The following FRMD3 variants were observed in gnomAD, a reference collection of about 807,000 sequenced individuals.
FRMD3 encodes the protein FERM domain-containing protein 3.
FRMD3 carries 33 observed loss-of-function variants against 70.2 expected under a neutral mutation model. The ratio of observed to expected loss-of-function variants is 0.47; its 90% CI spans 0.36 to 0.63. The LOEUF is 0.63. Among genes scored for constraint, FRMD3 ranks in the 20% least tolerant of loss-of-function variants. The probability of loss-of-function intolerance (pLI) is 0.00; values close to 1 mark genes in which losing one functional copy is unlikely to be tolerated. For synonymous variants in FRMD3, 279 were observed against 255.9 expected (o/e 1.09, Z -0.86); for missense variants, 632 against 711.4 (o/e 0.89, Z 1.27).
At chr9:83,532,934 C>T (rs1829819166) in intron 1 of FRMD3, among the ~76,000 whole-genome samples, 1 of 152,186 alleles carries the variant, frequency 6.6e-6, no homozygotes, top group Non-Finnish European at 1.5e-5. Flanking sequence ...ACTATAGAGA[C>T]ATAGTTAATG....
chr9:83,322,126 G>A (rs1835825060), intron 6 of FRMD3, among the ~76,000 whole-genome samples: 1 of 152,078 alleles, frequency 6.6e-6, no homozygotes, highest in African/African-American at 2.4e-5. Flanking sequence ...TTCCCAGGCA[G>A]GAAGTATGGA....
At chr9:83,286,583 C>T (rs970675964) in intron 13 of FRMD3, among the ~76,000 whole-genome samples, 6 of 152,200 alleles carry the variant, frequency 3.9e-5, no homozygotes, top group African/African-American at 4.8e-5. Context: ...CCACCCGCCT[C>T]AGCCTCTGAA....
At chr9:83,560,021 T>C in the FRMD3 span, among the ~76,000 whole-genome samples, 406 of 152,290 alleles carry the variant, frequency 2.7e-3, 4 homozygotes, top group African/African-American at 9.0e-3. Context: ...TTACACATTC[T>C]ATAAATGACA....
chr9:83,332,668 T>C (rs1220396300), intron 6 of FRMD3, among the ~76,000 whole-genome samples: 1 of 152,170 alleles, frequency 6.6e-6, no homozygotes, highest in African/African-American at 2.4e-5. Flanking sequence ...TTTCTGCTAA[T>C]ATTTGAGCAC....
the FRMD3 span, among the ~76,000 whole-genome samples, chr9:83,585,408 C>T: frequency 6.6e-6 from 1 of 152,148 alleles, no homozygotes; most frequent in African/African-American, 2.4e-5. Flanking sequence ...ATTGTTTCTT[C>T]CTCTCTATTC....
chr9:83,307,645 G>T (rs113529358), intron 10 of FRMD3, among the ~76,000 whole-genome samples: 2 of 152,114 alleles, frequency 1.3e-5, no homozygotes, highest in Non-Finnish European at 2.9e-5. Context: ...CCAGAGATTG[G>T]GGGGAGGAGG....
intron 3 of FRMD3, among the ~76,000 whole-genome samples, chr9:83,364,555 C>CA (rs1230377473): frequency 0.047 from 5,741 of 121,912 alleles, 254 homozygotes; most frequent in African/African-American, 0.13. Context: ...ACCCCATCTC[C>CA]AAAAAAAAAA....
At chr9:83,398,779 T>C (rs1825872757) in intron 1 of FRMD3, among the ~76,000 whole-genome samples, 1 of 152,100 alleles carries the variant, frequency 6.6e-6, no homozygotes, top group African/African-American at 2.4e-5. Context: ...TTAAAGGCGT[T>C]TTTGTGCCCA....
chr9:83,398,379 A>C (rs1174822704), intron 1 of FRMD3, among the ~76,000 whole-genome samples: 2 of 152,228 alleles, frequency 1.3e-5, no homozygotes, highest in Non-Finnish European at 2.9e-5. Context: ...AGAAATATTA[A>C]AGCTATTTAA....
chr9:83,367,498 A>G (rs547287641), intron 3 of FRMD3, among the ~76,000 whole-genome samples: 1 of 152,170 alleles, frequency 6.6e-6, no homozygotes, highest in Non-Finnish European at 1.5e-5. Context: ...AGAAGATGAG[A>G]ATGCAAAGGA....
Position 83,315,051 on chromosome 9 carries a change from TG to T in FRMD3, c.597-1305del, listed in dbSNP as rs1231583267. On this transcript the variant is annotated intron_variant, in intron 6 of 13. Coordinates refer to ENST00000304195, the MANE Select transcript of FRMD3 (RefSeq NM_174938.6). Reference sequence around the variant, plus strand: ...CATTCTGCTGCTTCTGTCATTGATATGTTTTTTTTTTAAATATCAATGAAAT... The same window carrying T: ...CATTCTGCTGCTTCTGTCATTGATATTTTTTTTTTTAAATATCAATGAAAT... Among the ~76,000 whole-genome samples, 6 of 151,836 alleles carry T rather than the reference TG, an allele frequency of 4.0e-5. No individual in the cohort carries two copies. The East Asian group carries it at 5.8e-4, about 15-fold the overall frequency.
chr9:83,334,853 G>T (rs1044318393), intron 6 of FRMD3, among the ~76,000 whole-genome samples: 1 of 152,170 alleles, frequency 6.6e-6, no homozygotes, highest in African/African-American at 2.4e-5. Flanking sequence ...CCTTGGGTAG[G>T]TTGTTTAACC....
intron 2 of FRMD3, among the ~76,000 whole-genome samples, chr9:83,378,261 G>GT (rs141992984): frequency 0.062 from 7,950 of 129,256 alleles, 563 homozygotes; most frequent in East Asian, 0.16. Flanking sequence ...CTTCTTTTTT[G>GT]TTTTTTTTGT....
In FRMD3 at chr9:83,271,256, G is replaced by A. The variant is rs145203262; in HGVS notation, c.1195+19347C>T. On this transcript the variant is annotated intron_variant, in intron 13 of 13. Coordinates refer to ENST00000304195, the MANE Select transcript of FRMD3 (RefSeq NM_174938.6). ...GTTTGAGAGATTCACTGAAATTTTA[G>A]CTAACTGCTAGCTCCAAGTGGAAAG... Among the ~76,000 whole-genome samples the A allele has an allele frequency of 6.1e-3, 925 of 152,242 alleles. 13 individuals are homozygous for A. Among genetic ancestry groups the A allele is most frequent in the African/African-American group, 0.021 (858 of 41,544 alleles).
At chr9:83,490,344 C>T (rs1298930904) in intron 1 of FRMD3, among the ~76,000 whole-genome samples, 1 of 109,074 alleles carries the variant, frequency 9.2e-6, no homozygotes, top group African/African-American at 4.0e-5. Flanking sequence ...GGGTGGAGTG[C>T]CAATGGCACT....
chr9:83,557,061 GA>G, the FRMD3 span, among the ~76,000 whole-genome samples: 8 of 152,078 alleles, frequency 5.3e-5, no homozygotes, highest in African/African-American at 1.9e-4. Context: ...GCATATTTAT[GA>G]AAAGCTTTTA....
At chr9:83,282,021 T>G (rs1833992795) in intron 13 of FRMD3, among the ~76,000 whole-genome samples, 1 of 152,258 alleles carries the variant, frequency 6.6e-6, no homozygotes, top group Non-Finnish European at 1.5e-5. Context: ...AGTTACCCAT[T>G]CTGTTTCAGC....
chr9:83,261,102 GACACACACACACACAC>G (rs59345002), intron 13 of FRMD3, among the ~76,000 whole-genome samples: 90 of 133,152 alleles, frequency 6.8e-4, no homozygotes, highest in Middle Eastern at 4.1e-3. Flanking sequence ...AGGAAACTTA[GACACACACACACACAC>G]ACACACACAC....
chr9:83,302,952 G>C (rs561115411), intron 10 of FRMD3, among the ~76,000 whole-genome samples: 34 of 152,124 alleles, frequency 2.2e-4, no homozygotes, highest in Non-Finnish European at 2.9e-4. Flanking sequence ...CAAGAAGTAT[G>C]ACTATGCCCA....
Sources: gnomAD v4.1 joint callset for allele counts (sites outside exome capture counted in the v4.1 genomes callset) on GRCh38, gnomAD v4.1.1 for gene constraint, MANE v1.5 for transcripts, NCBI Gene and HGNC (gene_info 2026-07-23, HGNC 2026-07-21) for gene names.